CEP15: variants seen among roughly 807,000 people sequenced by gnomAD.
CEP15 encodes centrosomal protein 15 kDa.
At chr3:62,322,103 T>C in the CEP15 span, 1 of 1,566,228 alleles carries the variant, frequency 6.4e-7, no homozygotes, top group South Asian at 1.2e-5. The surrounding 1 kb of genome is among the most constrained non-coding windows in gnomAD (Gnocchi z 5.5). Flanking sequence ...TTCTCAAAAA[T>C]CTTTTAGGTA....
At chr3:62,324,975 GTATAA>G in the CEP15 span, among the ~76,000 whole-genome samples, 10 of 152,238 alleles carry the variant, frequency 6.6e-5, no homozygotes, top group African/African-American at 1.9e-4. Context: ...TCTAAAAGTA[GTATAA>G]TATGAGTTAA....
At chr3:62,321,782 G>T in the CEP15 span, 1 of 573,296 alleles carries the variant, frequency 1.7e-6, no homozygotes, top group Non-Finnish European at 3.0e-6. The surrounding 1 kb of genome is among the most constrained non-coding windows in gnomAD (Gnocchi z 4.1). Flanking sequence ...ATTTTTCACT[G>T]TCTTATTAGT....
the CEP15 span, among the ~76,000 whole-genome samples, chr3:62,333,001 A>G: frequency 5.6e-4 from 85 of 152,156 alleles, 1 homozygote; most frequent in Non-Finnish European, 1.2e-4. The surrounding 1 kb of genome is among the most constrained non-coding windows in gnomAD (Gnocchi z 4.0). Context: ...TCACAATAAA[A>G]TTCTAAAACC....
chr3:62,325,935 A>G, the CEP15 span, among the ~76,000 whole-genome samples: 1 of 152,136 alleles, frequency 6.6e-6, no homozygotes, highest in African/African-American at 2.4e-5. Flanking sequence ...GAGGCAGGAA[A>G]ATTGCTTGAA....
At chr3:62,319,110 GCCTTGCAGGACC>G in the CEP15 span, 1 of 152,446 alleles carries the variant, frequency 6.6e-6, no homozygotes, top group African/African-American at 2.4e-5. Context: ...GCCGCGCAGG[GCCTTGCAGGACC>G]GCTGGGGAGG....
the CEP15 span, among the ~76,000 whole-genome samples, chr3:62,329,293 A>C: frequency 6.6e-6 from 1 of 152,166 alleles, no homozygotes; most frequent in African/African-American, 2.4e-5. Flanking sequence ...CATTCATTAT[A>C]TCCAGTAGGA....
At chr3:62,328,220 A>G in the CEP15 span, among the ~76,000 whole-genome samples, 2 of 152,250 alleles carry the variant, frequency 1.3e-5, no homozygotes, top group Non-Finnish European at 2.9e-5. Flanking sequence ...GCACGATTGC[A>G]GATTTAAATT....
At chr3:62,320,650 G>T in the CEP15 span, 2 of 632,472 alleles carry the variant, frequency 3.2e-6, no homozygotes, top group Non-Finnish European at 5.4e-6. Flanking sequence ...CACTTAAGAG[G>T]TTTTAGTGTT....
the CEP15 span, chr3:62,322,149 C>T: frequency 7.8e-7 from 1 of 1,287,502 alleles, no homozygotes; most frequent in Non-Finnish European, 1.1e-6. The surrounding 1 kb of genome is among the most constrained non-coding windows in gnomAD (Gnocchi z 5.5). Context: ...CTTATTGGTT[C>T]TCAGTAATAA....
At chr3:62,329,828 A>C in the CEP15 span, among the ~76,000 whole-genome samples, 14 of 152,230 alleles carry the variant, frequency 9.2e-5, no homozygotes, top group African/African-American at 3.4e-4. Context: ...TCTTAGAATA[A>C]TGACCATAAT....
the CEP15 span, among the ~76,000 whole-genome samples, chr3:62,328,187 A>T: frequency 6.6e-6 from 1 of 152,246 alleles, no homozygotes; most frequent in African/African-American, 2.4e-5. Flanking sequence ...TCAAGAGCTC[A>T]TAACAGTATC....
At chr3:62,322,776 A>G in the CEP15 span, among the ~76,000 whole-genome samples, 1 of 152,200 alleles carries the variant, frequency 6.6e-6, no homozygotes, top group Non-Finnish European at 1.5e-5. This position sits in a 1 kb window ranked among gnomAD's most constrained non-coding sequence, Gnocchi z 5.5. Flanking sequence ...GTTATAAAGC[A>G]GTGTTTTCAG....
chr3:62,324,591 G>A, the CEP15 span, among the ~76,000 whole-genome samples: 1 of 152,098 alleles, frequency 6.6e-6, no homozygotes, highest in Admixed American at 6.6e-5. Flanking sequence ...GTCTTTCCTT[G>A]ACTGCCCAGC....
chr3:62,328,091 G>T, the CEP15 span, among the ~76,000 whole-genome samples: 1 of 152,106 alleles, frequency 6.6e-6, no homozygotes, highest in Admixed American at 6.6e-5. Flanking sequence ...GTTCCTTTTG[G>T]CAGGAAATAT....
the CEP15 span, among the ~76,000 whole-genome samples, chr3:62,331,973 C>G: frequency 1.3e-5 from 2 of 152,030 alleles, no homozygotes; most frequent in East Asian, 3.9e-4. Flanking sequence ...TTTTTAATGA[C>G]CTTTCTCAAA....
chr3:62,322,177 G>A, the CEP15 span: 2 of 1,011,436 alleles, frequency 2.0e-6, no homozygotes, highest in Non-Finnish European at 1.5e-6. This position sits in a 1 kb window ranked among gnomAD's most constrained non-coding sequence, Gnocchi z 5.5. Flanking sequence ...TACTAAAGCA[G>A]CATCTTTTTT....
the CEP15 span, chr3:62,320,599 A>T: frequency 5.3e-6 from 6 of 1,142,582 alleles, no homozygotes; most frequent in South Asian, 8.4e-5. Flanking sequence ...TATACACAGG[A>T]TGACTTAAAA....
the CEP15 span, among the ~76,000 whole-genome samples, chr3:62,326,748 T>G: frequency 6.6e-6 from 1 of 152,308 alleles, no homozygotes; most frequent in South Asian, 2.1e-4. Context: ...CCAATCTTGC[T>G]TCATCTATAT....
At chr3:62,326,649 T>A in the CEP15 span, among the ~76,000 whole-genome samples, 2 of 152,158 alleles carry the variant, frequency 1.3e-5, no homozygotes, top group Admixed American at 1.3e-4. Flanking sequence ...TTAACTGTTA[T>A]GAAGAGTTTC....
Sources: allele counts gnomAD v4.1 joint callset (sites outside exome capture counted in the v4.1 genomes callset), GRCh38; gene constraint gnomAD v4.1.1; non-coding constraint Gnocchi (gnomAD v3.1); transcripts MANE v1.5; gene names NCBI Gene and HGNC (gene_info 2026-07-23, HGNC 2026-07-21).